COL8A1: variants seen among roughly 807,000 people sequenced by gnomAD.
The protein encoded by COL8A1 is collagen alpha-1(VIII) chain.
In COL8A1, 21 loss-of-function variants were observed where a neutral mutation model predicts 42.7. That is an observed-to-expected ratio of 0.49 (90% CI 0.35 to 0.71). The LOEUF (loss-of-function observed/expected upper bound fraction) is 0.71. Ranked by LOEUF, COL8A1 falls within the 30% of genes least tolerant of loss-of-function variation. COL8A1 has a pLI of 0.01. For synonymous variants in COL8A1, 367 were observed against 369.1 expected (o/e 0.99, Z 0.06); for missense variants, 788 against 962.4 (o/e 0.82, Z 2.40).
chr3:99,744,252 G>T (rs945998048), intron 1 of COL8A1, among the ~76,000 whole-genome samples: 1 of 152,124 alleles, frequency 6.6e-6, no homozygotes, highest in Non-Finnish European at 1.5e-5. Flanking sequence ...ACAAGTTCCT[G>T]TGAAACACAC....
At chr3:99,660,425 C>G (rs1159423345) in intron 1 of COL8A1, among the ~76,000 whole-genome samples, 1 of 152,158 alleles carries the variant, frequency 6.6e-6, no homozygotes, top group Non-Finnish European at 1.5e-5. Context: ...GACATAACTC[C>G]CACCAGATCA....
In COL8A1 at chr3:99,795,080, C is replaced by A. The variant is rs1226605939; in HGVS notation, c.1179C>A (p.Gly393=). The change falls in exon 4 of 4, where the codon GGC becomes GGA. Residue 393 remains glycine (G), a synonymous_variant. Coordinates refer to ENST00000652472, the MANE Select transcript of COL8A1 (RefSeq NM_020351.4). ...PGIGGPPGEP[G]LPGIPGPMGP... ...TAGGGGGTCCTCCAGGAGAGCCAGG[C>A]CTGCCTGGAATCCCAGGTCCTATGG... 1.9e-6 allele frequency: 3 copies of A among 1,611,752 alleles called. No individual in the cohort carries two copies. The highest frequency in any genetic ancestry group is 1.7e-6 in the Non-Finnish European group (2 of 1,178,928).
At chr3:99,684,212 T>C (rs1335863073) in intron 1 of COL8A1, among the ~76,000 whole-genome samples, 1 of 152,212 alleles carries the variant, frequency 6.6e-6, no homozygotes, top group Non-Finnish European at 1.5e-5. Context: ...TCAAATTTAG[T>C]CACTGTGTAA....
chr3:99,689,193 G>T (rs375814637), intron 1 of COL8A1, among the ~76,000 whole-genome samples: 301 of 152,268 alleles, frequency 2.0e-3, no homozygotes, highest in African/African-American at 7.0e-3. Flanking sequence ...AATTTTATTT[G>T]TCCAAGGAAG....
At chr3:99,731,358 A>G (rs1940504434) in intron 1 of COL8A1, among the ~76,000 whole-genome samples, 1 of 152,154 alleles carries the variant, frequency 6.6e-6, no homozygotes, top group Non-Finnish European at 1.5e-5. Flanking sequence ...TTATAGACAG[A>G]GGAATGGCAA....
intron 1 of COL8A1, among the ~76,000 whole-genome samples, chr3:99,697,208 G>C (rs1939403966): frequency 6.6e-6 from 1 of 151,602 alleles, no homozygotes; most frequent in South Asian, 2.1e-4. Flanking sequence ...GGATGGTCTC[G>C]ATCTCCTGAC....
intron 1 of COL8A1, among the ~76,000 whole-genome samples, chr3:99,696,833 G>C (rs1190969444): frequency 6.6e-6 from 1 of 152,120 alleles, no homozygotes; most frequent in African/African-American, 2.4e-5. Flanking sequence ...AACAGATTTA[G>C]GTATAACCGA....
At chr3:99,732,314 T>G (rs1179260491) in intron 1 of COL8A1, among the ~76,000 whole-genome samples, 1 of 152,192 alleles carries the variant, frequency 6.6e-6, no homozygotes, top group East Asian at 1.9e-4. Context: ...CTTCTCATGC[T>G]GCTAATAAAG....
chr3:99,694,704 C>T (rs888293287), intron 1 of COL8A1, among the ~76,000 whole-genome samples: 1 of 152,144 alleles, frequency 6.6e-6, no homozygotes, highest in East Asian at 1.9e-4. Context: ...AATCTTTGTA[C>T]CTTTGAGGGA....
chr3:99,744,571 T>C (rs1940982827), intron 1 of COL8A1, among the ~76,000 whole-genome samples: 1 of 152,246 alleles, frequency 6.6e-6, no homozygotes, highest in Non-Finnish European at 1.5e-5. Context: ...TTAACTTTTT[T>C]CCCTGAGGTA....
chr3:99,789,824 T>C (rs1321357494), intron 2 of COL8A1, among the ~76,000 whole-genome samples: 1 of 152,202 alleles, frequency 6.6e-6, no homozygotes, highest in Non-Finnish European at 1.5e-5. Flanking sequence ...ACTTTAATGG[T>C]CCAATTAACC....
intron 1 of COL8A1, among the ~76,000 whole-genome samples, chr3:99,699,547 T>C (rs900134272): frequency 2.6e-5 from 4 of 152,238 alleles, no homozygotes; most frequent in African/African-American, 9.6e-5. Context: ...CAGATAATAC[T>C]AAGAGAAATT....
At chr3:99,663,472 G>C (rs1208763289) in intron 1 of COL8A1, among the ~76,000 whole-genome samples, 2 of 152,052 alleles carry the variant, frequency 1.3e-5, no homozygotes, top group East Asian at 1.9e-4. Context: ...CCAGTTGTTT[G>C]GGGATTTTTT....
chr3:99,718,705 A>G (rs1559616795), intron 1 of COL8A1, among the ~76,000 whole-genome samples: 1 of 152,050 alleles, frequency 6.6e-6, no homozygotes, highest in Non-Finnish European at 1.5e-5. Flanking sequence ...GAAAAGCTTT[A>G]CTGAATCCAT....
chr3:99,699,860 CT>C (rs1298951390), intron 1 of COL8A1, among the ~76,000 whole-genome samples: 1 of 152,062 alleles, frequency 6.6e-6, no homozygotes, highest in Non-Finnish European at 1.5e-5. Flanking sequence ...AACATACCGT[CT>C]TTTTTAACAT....
intron 2 of COL8A1, among the ~76,000 whole-genome samples, chr3:99,761,264 C>G (rs1157385711): frequency 6.6e-6 from 1 of 152,166 alleles, no homozygotes; most frequent in Non-Finnish European, 1.5e-5. Context: ...AAAACACTTA[C>G]CATCTATTGT....
At chr3:99,685,568 C>T (rs957442092) in intron 1 of COL8A1, 5 of 152,136 alleles carry the variant, frequency 3.3e-5, no homozygotes, top group African/African-American at 1.2e-4. Flanking sequence ...CTCTCTGTCT[C>T]ATGTTATGGA....
At chr3:99,650,543 T>C (rs1047873832) in intron 1 of COL8A1, among the ~76,000 whole-genome samples, 6 of 152,116 alleles carry the variant, frequency 3.9e-5, no homozygotes, top group African/African-American at 1.4e-4. Flanking sequence ...CAAGTTATTC[T>C]CCTGCCTCAG....
chr3:99,735,138 T>G (rs932695982), intron 1 of COL8A1, among the ~76,000 whole-genome samples: 8 of 143,470 alleles, frequency 5.6e-5, no homozygotes, highest in African/African-American at 2.1e-4. Flanking sequence ...TGAATACCCT[T>G]TATTTCCTTC....
Sources: gnomAD v4.1 joint callset for allele counts (sites outside exome capture counted in the v4.1 genomes callset) on GRCh38, gnomAD v4.1.1 for gene constraint, MANE v1.5 for transcripts, NCBI Gene and HGNC (gene_info 2026-07-23, HGNC 2026-07-21) for gene names.